Variants in ETNK1 observed in about 807,000 individuals in gnomAD.
ETNK1 encodes putative protein product of Nbla10396.
A neutral mutation model predicts 45.1 loss-of-function variants in ETNK1; 8 were observed. The observed-to-expected ratio is 0.18, with a 90% CI of 0.10 to 0.32. The LOEUF is 0.32. Among genes scored for constraint, ETNK1 ranks in the 10% least tolerant of loss-of-function variants. ETNK1 has a pLI of 1.00. For missense variants in ETNK1, 302 were observed against 430.6 expected (o/e 0.70, Z 2.64); for synonymous variants, 152 against 151.9 (o/e 1.00, Z -0.01).
rs1953773188 is a variant in ETNK1, at chr12:22,643,972, A to T, written c.366A>T (p.Ile122=). ...ATAATGGACTATGCTATGAATTTAT[A>T]CAAGGAGAAGCACTGGATCCAAAGC... ...TFNNGLCYEF[I]QGEALDPKHV... Residue 122 remains isoleucine, a synonymous_variant, in exon 2 of 8, where the codon ATA becomes ATT. Coordinates refer to ENST00000266517, the MANE Select transcript of ETNK1 (RefSeq NM_018638.5). 6.2e-7 allele frequency: 1 copy of T among 1,612,764 alleles called. No individual in the cohort carries two copies. The highest frequency in any genetic ancestry group is 1.1e-5 in the South Asian group (1 of 90,980).
At chr12:22,660,060 G>A (rs16925248) in intron 3 of ETNK1, among the ~76,000 whole-genome samples, 9,652 of 142,028 alleles carry the variant, frequency 0.068, 446 homozygotes, top group South Asian at 0.15. Context: ...AAAAAACACC[G>A]CAGTTTTGAC....
At chr12:22,673,413 G>C (rs1954129583) in intron 5 of ETNK1, 87 bp from the exon 6 acceptor site, 1 of 1,001,650 alleles carries the variant, frequency 1.0e-6, no homozygotes, top group South Asian at 2.4e-5. Flanking sequence ...CATTTTTTAT[G>C]AAAAAATGGT....
At chr12:22,638,949 A>G (rs1953692786) in intron 1 of ETNK1, 1 of 152,198 alleles carries the variant, frequency 6.6e-6, no homozygotes, top group Middle Eastern at 3.2e-3. Context: ...CAGCACCATT[A>G]GAACACTGAG....
At position 22,625,414 on chromosome 12, in the gene ETNK1, C is replaced by T; in HGVS notation, c.-17C>T. The T allele has an allele frequency of 6.4e-7, 1 of 1,570,624 alleles. No individual in the cohort carries two copies. The highest frequency in any genetic ancestry group is 8.6e-7 in the Non-Finnish European group (1 of 1,160,528). ...GTCGCCGTCGTCGTGGTGGTAGTCT[C>T]CGCCGTCGCCTGGGCCATGGCCAAT... On this transcript the variant is annotated 5_prime_UTR_variant, in exon 1 of 8. Transcript: ENST00000266517.
At chr12:22,632,536 G>T (rs1438172624) in intron 1 of ETNK1, among the ~76,000 whole-genome samples, 1 of 151,274 alleles carries the variant, frequency 6.6e-6, no homozygotes, top group Non-Finnish European at 1.5e-5. Context: ...AAGAGATGGG[G>T]TCTCATACTG....
At chr12:22,663,241 C>G (rs1440088255) in intron 4 of ETNK1, among the ~76,000 whole-genome samples, 3 of 152,086 alleles carry the variant, frequency 2.0e-5, no homozygotes, top group Non-Finnish European at 4.4e-5. Context: ...CGCATTAAAG[C>G]AGTGTATGAG....
At chr12:22,636,494 T>C (rs1458676961) in intron 1 of ETNK1, among the ~76,000 whole-genome samples, 1 of 152,180 alleles carries the variant, frequency 6.6e-6, no homozygotes, top group Non-Finnish European at 1.5e-5. Context: ...AATCCCTTAG[T>C]CATTATAAAA....
At chr12:22,659,896 T>C (rs746098045) in intron 3 of ETNK1, among the ~76,000 whole-genome samples, 7 of 152,064 alleles carry the variant, frequency 4.6e-5, no homozygotes, top group African/African-American at 7.2e-5. Flanking sequence ...CTTGCCCCAA[T>C]AGAAAATAAT....
At chr12:22,671,210 C>A in intron 4 of ETNK1, 62 bp from the exon 5 acceptor site, 1 of 1,126,996 alleles carries the variant, frequency 8.9e-7, no homozygotes, top group Non-Finnish European at 1.3e-6. Context: ...TTACAAATAG[C>A]ATAGGGATTT....
At chr12:22,670,320 T>G (rs760560276) in intron 4 of ETNK1, among the ~76,000 whole-genome samples, 7 of 152,082 alleles carry the variant, frequency 4.6e-5, no homozygotes, top group Non-Finnish European at 8.8e-5. Flanking sequence ...TCCACGCCCC[T>G]GTAAGCCTTT....
Position 22,673,509 on chromosome 12 carries a change from A to T in ETNK1, c.794A>T (p.Asp265Val), listed in dbSNP as rs1954130911. 8 of 1,608,286 alleles carry T rather than the reference A, an allele frequency of 5.0e-6. No individual in the cohort carries two copies. Among genetic ancestry groups the T allele is most frequent in the Admixed American group, 3.4e-5 (2 of 59,698 alleles). The change falls in exon 6 of 8, where the codon GAT (aspartate) becomes GTT (valine). Residue 265 changes from aspartate (D) to valine (V), a missense_variant. This residue lies in a region of ETNK1 where 94 missense variants were observed against 152.9 expected (regional missense o/e 0.61). Coordinates refer to ENST00000266517, the MANE Select transcript of ETNK1 (RefSeq NM_018638.5). ...NHFNEFAGVSDVDYSLYPDRE... is the reference protein window; with the variant it reads ...NHFNEFAGVSVVDYSLYPDRE... ...TTTTTTTCTTCTAAAGGTGTGAGTG[A>T]TGTAGACTATAGTCTGTATCCAGAT...
Position 22,632,612 on chromosome 12 carries a change from C to CCATCCCT in ETNK1, c.156+7026_156+7027insCATCCCT, listed in dbSNP as rs1953594588. On this transcript the variant is annotated intron_variant, in intron 1 of 7. Transcript: ENST00000266517. The stretch of plus-strand genomic sequence containing the variant: ...GCAGCCTTGTACTCCTGAGCTCACG[C>CCATCCCT]GATCCCTTCTACATCAGCGTCCAGA... Among the ~76,000 whole-genome samples, 10 of 151,996 alleles carry CCATCCCT rather than the reference C, an allele frequency of 6.6e-5. No individual in the cohort carries two copies. In the South Asian group the frequency reaches 2.1e-3, roughly 32 times the overall value.
chr12:22,674,669 T>C (rs1345329326), intron 6 of ETNK1, among the ~76,000 whole-genome samples: 3 of 152,248 alleles, frequency 2.0e-5, no homozygotes, highest in African/African-American at 7.2e-5. Context: ...AGATTCAGCC[T>C]AATATTCCAT....
chr12:22,644,223 G>A, intron 2 of ETNK1: 1 of 1,604,178 alleles, frequency 6.2e-7, no homozygotes, highest in Non-Finnish European at 8.5e-7. Flanking sequence ...TATCATCGTT[G>A]ACTCTTTGCA....
chr12:22,655,969 T>G (rs1953935987), intron 2 of ETNK1, among the ~76,000 whole-genome samples: 2 of 152,176 alleles, frequency 1.3e-5, no homozygotes, highest in African/African-American at 4.8e-5. Flanking sequence ...CATTATCAGT[T>G]CAAATCCTAG....
chr12:22,672,172 C>A (rs1472473310), intron 5 of ETNK1, among the ~76,000 whole-genome samples: 3 of 151,948 alleles, frequency 2.0e-5, no homozygotes, highest in South Asian at 2.1e-4. Flanking sequence ...AAAAGTTGGT[C>A]ATTTTTACCC....
At chr12:22,656,640 G>A (rs1047633066) in intron 2 of ETNK1, 3 of 985,320 alleles carry the variant, frequency 3.0e-6, no homozygotes, top group Non-Finnish European at 3.6e-6. Context: ...TGGAGCAGAC[G>A]AGAAGTCATG....
At chr12:22,684,454 A>AT (rs765088076) in intron 6 of ETNK1, 29 bp from the exon 7 acceptor site, 13 of 1,527,030 alleles carry the variant, frequency 8.5e-6, no homozygotes, top group African/African-American at 1.4e-5. Context: ...CATTATCATA[A>AT]TTTTTGATTT....
At chr12:22,642,577 A>G (rs561354632) in intron 1 of ETNK1, among the ~76,000 whole-genome samples, 1 of 151,668 alleles carries the variant, frequency 6.6e-6, no homozygotes, top group South Asian at 2.1e-4. Flanking sequence ...TTAGTTGTAT[A>G]TTATTAATAG....
Sources: allele counts gnomAD v4.1 joint callset (sites outside exome capture counted in the v4.1 genomes callset), GRCh38; gene constraint gnomAD v4.1.1; regional missense constraint gnomAD v4.1.1; transcripts MANE v1.5; gene names NCBI Gene and HGNC (gene_info 2026-07-23, HGNC 2026-07-21).